Variants in RIC3 observed in about 807,000 individuals in gnomAD.
The protein encoded by RIC3 is RIC3 acetylcholine receptor chaperone.
RIC3 carries 28 observed loss-of-function variants against 27.3 expected under a neutral mutation model. The observed-to-expected ratio is 1.02, with a 90% CI of 0.76 to 1.41. RIC3 has a LOEUF of 1.41. RIC3 is among the 40% of genes most tolerant of loss of function. The probability of loss-of-function intolerance (pLI) is 0.00; values close to 1 mark genes in which losing one functional copy is unlikely to be tolerated. For synonymous variants in RIC3, 184 were observed against 160.4 expected, an observed-to-expected ratio of 1.15 and a Z score of -1.11; for missense variants, 501 against 444.7, an observed-to-expected ratio of 1.13 and a Z score of -1.14.
downstream of RIC3, chr11:8,101,835 GATGAGAAT>G: frequency 1.4e-6 from 1 of 696,594 alleles, no homozygotes; most frequent in Non-Finnish European, 2.3e-6. Context: ...GGTGTGAAGG[GATGAGAAT>G]AATTCTTTCC....
chr11:8,095,820 T>A, the RIC3 span, among the ~76,000 whole-genome samples: 2 of 152,220 alleles, frequency 1.3e-5, no homozygotes, highest in Non-Finnish European at 2.9e-5. Flanking sequence ...GAGAAACTCT[T>A]AGGCAGGGCC....
At chr11:8,138,813 G>T in intron 2 of RIC3, 1 of 237,210 alleles carries the variant, frequency 4.2e-6, no homozygotes, top group South Asian at 5.7e-5. Flanking sequence ...ACCTTTCTCA[G>T]CATTCCACAA....
chr11:8,152,740 T>G (rs1327498734), intron 1 of RIC3, among the ~76,000 whole-genome samples: 3 of 152,102 alleles, frequency 2.0e-5, no homozygotes, highest in African/African-American at 7.2e-5. Flanking sequence ...ATATGTAAAT[T>G]ACGTCTCAAT....
At chr11:8,160,597 AAAG>A (rs1245034472) in intron 1 of RIC3, among the ~76,000 whole-genome samples, 2 of 152,250 alleles carry the variant, frequency 1.3e-5, no homozygotes, top group African/African-American at 4.8e-5. Context: ...CTCCTATTAA[AAAG>A]AAGAAAAAAA....
Position 8,168,916 on chromosome 11 carries a change from T to C in RIC3, c.74A>G (p.Lys25Arg), listed in dbSNP as rs145965152. The change falls in exon 1 of 6, where the codon AAG becomes AGG. Residue 25 changes from lysine (K) to arginine (R), a missense_variant. Physicochemically the swap from Lys to Arg is conservative, Grantham distance 26. Coordinates refer to ENST00000309737, the MANE Select transcript of RIC3 (RefSeq NM_001206671.4). The part of the protein sequence containing the change: ...LVLALSLLLP[K>R]AFLSRGKRQE... Reference sequence around the variant, plus strand: ...CCGCTTCCCGCGGGACAGGAAGGCCTTGGGCAGCAGCAGCGACAGAGCCAG... The same window carrying C: ...CCGCTTCCCGCGGGACAGGAAGGCCCTGGGCAGCAGCAGCGACAGAGCCAG... 1.6e-3 allele frequency: 2,532 copies of C among 1,611,858 alleles called. 4 individuals are homozygous for C. The highest frequency in any genetic ancestry group is 1.9e-3 in the Non-Finnish European group (2,248 of 1,179,056).
chr11:8,168,864 A>C lies in RIC3; in HGVS notation c.124+2T>G, dbSNP rs1590472406. On this transcript the variant is annotated splice_donor_variant, in intron 1 of 5. Transcript: ENST00000309737. LOFTEE classifies it high-confidence loss of function. ...GCTCAGAGGGAGCTGGCCTGCTCTT[A>C]CCTTCAGGTGTCGGCGGCGGCTCCT... 6.2e-7 allele frequency: 1 copy of C among 1,611,068 alleles called. No homozygotes were observed. The highest frequency in any genetic ancestry group is 8.5e-7 in the Non-Finnish European group (1 of 1,178,560).
At chr11:8,115,221 G>A (rs1019221760) in intron 5 of RIC3, among the ~76,000 whole-genome samples, 1 of 151,884 alleles carries the variant, frequency 6.6e-6, no homozygotes, top group Non-Finnish European at 1.5e-5. Flanking sequence ...CACATTATAA[G>A]GGAGTTCTAA....
At chr11:8,146,514 G>C (rs547335340) in intron 1 of RIC3, among the ~76,000 whole-genome samples, 1 of 152,244 alleles carries the variant, frequency 6.6e-6, no homozygotes, top group Non-Finnish European at 1.5e-5. Flanking sequence ...CTGCCTTTAA[G>C]TTGTCGATGA....
downstream of RIC3, chr11:8,101,408 G>C (rs1052474717): frequency 1.3e-6 from 2 of 1,561,548 alleles, no homozygotes; most frequent in Non-Finnish European, 1.8e-6. Context: ...CATGTGGTTT[G>C]GGTGTCTGTC....
At chr11:8,105,898 C>T (rs1284113571), downstream of RIC3, 5 of 152,088 alleles carry the variant, frequency 3.3e-5, no homozygotes, top group Non-Finnish European at 5.9e-5. Flanking sequence ...GGAAGCCTGA[C>T]TGCTCGGTCA....
intron 1 of RIC3, among the ~76,000 whole-genome samples, chr11:8,147,316 A>G (rs1320987977): frequency 6.6e-6 from 1 of 152,222 alleles, no homozygotes; most frequent in Non-Finnish European, 1.5e-5. Flanking sequence ...AGGCCGTGTC[A>G]TGGGCGTATG....
chr11:8,123,298 A>G (rs1356150774), intron 5 of RIC3, among the ~76,000 whole-genome samples: 1 of 152,194 alleles, frequency 6.6e-6, no homozygotes, highest in Non-Finnish European at 1.5e-5. Context: ...GACACAGATC[A>G]TTAATAAAAT....
At chr11:8,141,556 T>TA (rs1949073774) in intron 1 of RIC3, among the ~76,000 whole-genome samples, 1 of 150,994 alleles carries the variant, frequency 6.6e-6, no homozygotes, top group Non-Finnish European at 1.5e-5. Context: ...CAAAGAGACT[T>TA]AGACTCCCAC....
At chr11:8,100,943 G>A in the RIC3 span, 7 of 1,614,160 alleles carry the variant, frequency 4.3e-6, no homozygotes, top group Non-Finnish European at 5.9e-6. Context: ...CAACTTCCAT[G>A]GGCGCGTCAC....
chr11:8,095,771 C>T, the RIC3 span: 1 of 1,252,958 alleles, frequency 8.0e-7, no homozygotes, highest in Non-Finnish European at 1.1e-6. Context: ...CCCTCCCTGG[C>T]AATGGTGGGT....
At chr11:8,134,875 G>A (rs190116212) in intron 4 of RIC3, among the ~76,000 whole-genome samples, 24 of 152,102 alleles carry the variant, frequency 1.6e-4, no homozygotes, top group African/African-American at 4.6e-4. Flanking sequence ...TGAGTTCATC[G>A]TAGATTCCGG....
At chr11:8,126,094 G>C (rs1288737192) in intron 5 of RIC3, among the ~76,000 whole-genome samples, 1 of 152,058 alleles carries the variant, frequency 6.6e-6, no homozygotes, top group Non-Finnish European at 1.5e-5. Flanking sequence ...CTCACTCCTA[G>C]GTATAGACTC....
the RIC3 span, chr11:8,094,144 G>T: frequency 1.9e-6 from 3 of 1,613,954 alleles, no homozygotes; most frequent in Non-Finnish European, 2.5e-6. Flanking sequence ...TACAGCAGGG[G>T]GCCAGGGTGG....
At chr11:8,150,965 A>G (rs986396254) in intron 1 of RIC3, among the ~76,000 whole-genome samples, 13 of 152,230 alleles carry the variant, frequency 8.5e-5, no homozygotes, top group Non-Finnish European at 1.8e-4. Flanking sequence ...TTGGACCCCT[A>G]TCTCATACCA....
Sources: allele counts gnomAD v4.1 joint callset (sites outside exome capture counted in the v4.1 genomes callset), GRCh38; gene constraint gnomAD v4.1.1; transcripts MANE v1.5; gene names NCBI Gene and HGNC (gene_info 2026-07-23, HGNC 2026-07-21).